The following PARP8 variants were observed in gnomAD, a reference collection of about 807,000 sequenced individuals.
PARP8 encodes the protein protein mono-ADP-ribosyltransferase PARP8.
In PARP8, 51 loss-of-function variants were observed where a neutral mutation model predicts 124.1. The observed-to-expected ratio is 0.41, with a 90% CI of 0.33 to 0.52. PARP8 has a LOEUF of 0.52. Ranked by LOEUF, PARP8 falls within the 20% of genes least tolerant of loss-of-function variation. The pLI is 0.21. For synonymous variants in PARP8, 391 were observed against 361.5 expected (o/e 1.08, Z -0.93); for missense variants, 860 against 1,018.9 (o/e 0.84, Z 2.12).
Position 50,763,130 on chromosome 5 carries a change from A to G in PARP8, c.424-18A>G, listed in dbSNP as rs755602718. ...CTGTTCACTTCTGAGACACTTTTAA[A>G]TTATCCCTTTTCATCAGGTGAACTA... On this transcript the variant is annotated intron_variant, in intron 6 of 25. Transcript: ENST00000281631. 3.1e-6 allele frequency: 5 copies of G among 1,587,646 alleles called. No homozygotes were observed. The highest frequency in any genetic ancestry group is 4.3e-6 in the Non-Finnish European group (5 of 1,156,304).
intron 7 of PARP8, among the ~76,000 whole-genome samples, chr5:50,774,345 A>T (rs956209191): frequency 6.6e-6 from 1 of 152,042 alleles, no homozygotes; most frequent in Non-Finnish European, 1.5e-5. Flanking sequence ...CTCGATGGTC[A>T]CTGTCTCTTC....
chr5:50,722,473 A>G (rs1294578852), intron 2 of PARP8, among the ~76,000 whole-genome samples: 1 of 152,068 alleles, frequency 6.6e-6, no homozygotes, highest in Admixed American at 6.6e-5. Context: ...TGGGTCCCTC[A>G]GTGACTGTAT....
At chr5:50,750,214 A>G (rs779971884) in intron 3 of PARP8, 26 bp downstream of exon 3, 50 of 1,545,390 alleles carry the variant, frequency 3.2e-5, no homozygotes, top group Non-Finnish European at 4.5e-5. Context: ...TTTATTACAG[A>G]TATTCGTATC....
At chr5:50,828,907 A>G (rs1746643482) in intron 21 of PARP8, among the ~76,000 whole-genome samples, 1 of 149,914 alleles carries the variant, frequency 6.7e-6, no homozygotes, top group Non-Finnish European at 1.5e-5. Flanking sequence ...AAAGAAAAAA[A>G]AAGAAAAGAA....
At chr5:50,742,701 T>C (rs1381679589) in intron 2 of PARP8, among the ~76,000 whole-genome samples, 3 of 152,168 alleles carry the variant, frequency 2.0e-5, no homozygotes, top group African/African-American at 7.2e-5. Flanking sequence ...GCAGAGTTGT[T>C]AATAGATAAT....
intron 15 of PARP8, among the ~76,000 whole-genome samples, chr5:50,816,277 G>A (rs79205519): frequency 6.6e-6 from 1 of 152,096 alleles, no homozygotes; most frequent in African/African-American, 2.4e-5. Context: ...ATTTAGTAAG[G>A]GAAGTAGAAA....
intron 2 of PARP8, among the ~76,000 whole-genome samples, chr5:50,690,086 A>G (rs1752337324): frequency 6.6e-6 from 1 of 152,226 alleles, no homozygotes; most frequent in Non-Finnish European, 1.5e-5. Flanking sequence ...GAAACAAACC[A>G]GTAGACAAAC....
intron 15 of PARP8, among the ~76,000 whole-genome samples, chr5:50,819,427 C>CTTTTTTTCTTTT (rs1745491946): frequency 2.1e-5 from 1 of 46,638 alleles, no homozygotes; most frequent in African/African-American, 9.5e-5. Context: ...ATTTTATCTT[C>CTTTTTTTCTTTT]TTTTTTTTTT....
chr5:50,722,867 A>G (rs1461883050), intron 2 of PARP8, among the ~76,000 whole-genome samples: 5 of 152,112 alleles, frequency 3.3e-5, no homozygotes, highest in Non-Finnish European at 5.9e-5. Context: ...AAGATATTTC[A>G]GTTCACTCTA....
At chr5:50,738,709 A>G (rs1210698716) in intron 2 of PARP8, among the ~76,000 whole-genome samples, 1 of 122,386 alleles carries the variant, frequency 8.2e-6, no homozygotes, top group South Asian at 2.8e-4. Flanking sequence ...AAGAAAGCTG[A>G]TAAGTTAAAA....
chr5:50,831,821 C>G (rs1747019805), intron 22 of PARP8, among the ~76,000 whole-genome samples: 1 of 152,140 alleles, frequency 6.6e-6, no homozygotes, highest in African/African-American at 2.4e-5. Context: ...AGAGGGAGCA[C>G]TTACCTTTCC....
chr5:50,827,228 A>G (rs1368502985), intron 19 of PARP8, among the ~76,000 whole-genome samples: 3 of 152,156 alleles, frequency 2.0e-5, no homozygotes, highest in Admixed American at 6.5e-5. Flanking sequence ...AATAATTTGT[A>G]AAAAGCTAAT....
intron 2 of PARP8, among the ~76,000 whole-genome samples, chr5:50,748,722 A>G (rs1462609592): frequency 6.6e-6 from 1 of 152,078 alleles, no homozygotes; most frequent in Non-Finnish European, 1.5e-5. Context: ...CTTGTGTGTA[A>G]TATGTCGTTT....
chr5:50,815,926 A>G (rs1208815783), intron 15 of PARP8, among the ~76,000 whole-genome samples: 5 of 152,206 alleles, frequency 3.3e-5, no homozygotes, highest in Non-Finnish European at 5.9e-5. Context: ...TAAAAAGAGA[A>G]CATTCAGTTT....
intron 1 of PARP8, chr5:50,667,455 G>A: frequency 2.9e-6 from 2 of 700,460 alleles, no homozygotes; most frequent in South Asian, 3.0e-5. Flanking sequence ...CGAAGGGGCA[G>A]TGCGTGGTAT....
At chr5:50,681,539 ATTC>A (rs959578327) in intron 2 of PARP8, among the ~76,000 whole-genome samples, 8 of 152,142 alleles carry the variant, frequency 5.3e-5, no homozygotes, top group Admixed American at 4.6e-4. Context: ...ATTCATTATT[ATTC>A]TTCTTACAGC....
intron 17 of PARP8, among the ~76,000 whole-genome samples, chr5:50,823,989 C>A (rs185345355): frequency 5.9e-5 from 9 of 152,292 alleles, no homozygotes; most frequent in African/African-American, 1.9e-4. Context: ...GTGTCAAATT[C>A]TTTAAAACTT....
intron 14 of PARP8, among the ~76,000 whole-genome samples, chr5:50,809,070 A>G (rs1447028290): frequency 6.6e-6 from 1 of 152,066 alleles, no homozygotes; most frequent in African/African-American, 2.4e-5. Context: ...ATACTCAAAT[A>G]ACATCTTTAG....
chr5:50,739,796 C>T (rs1343516409), intron 2 of PARP8, among the ~76,000 whole-genome samples: 2 of 133,662 alleles, frequency 1.5e-5, no homozygotes, highest in Non-Finnish European at 3.1e-5. Flanking sequence ...AGTGAGGTGG[C>T]ACGATCTTGG....
Sources: allele counts gnomAD v4.1 joint callset (sites outside exome capture counted in the v4.1 genomes callset), GRCh38; gene constraint gnomAD v4.1.1; transcripts MANE v1.5; gene names NCBI Gene and HGNC (gene_info 2026-07-23, HGNC 2026-07-21).